The following LOXHD1 variants were observed in gnomAD, a reference collection of about 807,000 sequenced individuals.
LOXHD1 encodes the protein lipoxygenase homology domain-containing protein 1.
LOXHD1 carries 205 observed loss-of-function variants against 248.2 expected under a neutral mutation model. The ratio of observed to expected loss-of-function variants is 0.83; its 90% CI spans 0.74 to 0.93. The LOEUF is 0.93. Ranked by LOEUF, LOXHD1 falls within the 40% of genes least tolerant of loss-of-function variation. LOXHD1 has a pLI of 0.00. For synonymous variants in LOXHD1, 1,113 were observed against 1,162.8 expected (o/e 0.96, Z 0.87); for missense variants, 2,930 against 2,971.6 (o/e 0.99, Z 0.33).
Position 46,477,357 on chromosome 18 carries a change from G to C in LOXHD1, c.*115C>G. On this transcript the variant is annotated 3_prime_UTR_variant, in exon 41 of 41. Transcript: ENST00000642948. Reference sequence around the variant, plus strand: ...GCAGGACCCCATGAAGTTCTCAGTGGACTGCTAGCCCCCAGTGCCAATGCT... The same window carrying C: ...GCAGGACCCCATGAAGTTCTCAGTGCACTGCTAGCCCCCAGTGCCAATGCT... The C allele has an allele frequency of 7.0e-7, 1 of 1,420,362 alleles. No individual in the cohort carries two copies. The highest frequency in any genetic ancestry group is 2.0e-5 in the Admixed American group (1 of 50,278). 88.0% of individuals were successfully genotyped at this position (1,420,362 alleles called of 1,614,324 possible). A position where few individuals can be genotyped will look rare whatever the true frequency, so the allele number is the denominator to read the frequency against.
chr18:46,560,052 T>TGGCC, intron 19 of LOXHD1, 31 bp downstream of exon 19: 19 of 441,106 alleles, frequency 4.3e-5, no homozygotes, highest in Non-Finnish European at 6.5e-5. Flanking sequence ...GGCCACTCCC[T>TGGCC]CCCCACCCCC....
intron 6 of LOXHD1, among the ~76,000 whole-genome samples, chr18:46,606,145 T>C (rs1367337369): frequency 6.6e-6 from 1 of 152,080 alleles, no homozygotes; most frequent in African/African-American, 2.4e-5. Flanking sequence ...TAAAAATAAC[T>C]AAGTTAAGTA....
intron 6 of LOXHD1, among the ~76,000 whole-genome samples, chr18:46,609,439 C>T (rs937928594): frequency 6.6e-6 from 1 of 152,182 alleles, no homozygotes; most frequent in Non-Finnish European, 1.5e-5. Context: ...ATAATAAAAC[C>T]TCAACTATCA....
At position 46,529,188 on chromosome 18, in the gene LOXHD1, C is replaced by T. The variant is rs752123459; in HGVS notation, c.4519G>A (p.Glu1507Lys). ...TGTGCCCCTCATACCGTTCCTCTCT[C>T]GAACTTGTTGGTCCGGTTCTCTGAC... Reference protein sequence around the residue: ...GKSENRTNKFERGTADTFIIE... With the variant: ...GKSENRTNKFKRGTADTFIIE... The change falls in exon 29 of 41, where the codon GAG becomes AAG. Residue 1507 changes from glutamate to lysine, a missense_variant. Physicochemically the swap from Glu to Lys is moderately conservative, Grantham distance 56. Coordinates refer to ENST00000642948, the MANE Select transcript of LOXHD1 (RefSeq NM_001384474.1). 27 of 1,551,552 alleles carry T rather than the reference C, an allele frequency of 1.7e-5. 1 individual carries two copies. Among genetic ancestry groups the T allele is most frequent in the Middle Eastern group, 1.7e-4 (1 of 5,992 alleles).
chr18:46,644,018 C>T (rs1426624984), intron 2 of LOXHD1, among the ~76,000 whole-genome samples: 1 of 152,136 alleles, frequency 6.6e-6, no homozygotes, highest in East Asian at 1.9e-4. Context: ...GATGTTGAGG[C>T]CATTATGAAG....
At chr18:46,600,614 AGG>A (rs2038320737) in intron 8 of LOXHD1, among the ~76,000 whole-genome samples, 1 of 140,642 alleles carries the variant, frequency 7.1e-6, no homozygotes, top group Non-Finnish European at 1.6e-5. Context: ...AAAGGAAGGA[AGG>A]AAGGAAGGAA....
intron 7 of LOXHD1, among the ~76,000 whole-genome samples, chr18:46,602,678 T>C (rs1354045407): frequency 6.6e-6 from 1 of 152,196 alleles, no homozygotes; most frequent in Non-Finnish European, 1.5e-5. Flanking sequence ...GGGTGTATTA[T>C]TCATTCTTAA....
chr18:46,601,288 G>A lies in LOXHD1; in HGVS notation c.1063C>T (p.Leu355Phe). 4 of 1,551,718 alleles carry A rather than the reference G, an allele frequency of 2.6e-6. No homozygotes were observed. Among genetic ancestry groups the A allele is most frequent in the Non-Finnish European group, 2.6e-6 (3 of 1,147,002 alleles). ...DIFHIELAVL[L>F]SPLSRVSVGH... Reference sequence around the variant, plus strand: ...ACGGAGACCCGACTCAGGGGGCTAAGGAGGACAGCCAGCTCGATGTGGAAG... The same window carrying A: ...ACGGAGACCCGACTCAGGGGGCTAAAGAGGACAGCCAGCTCGATGTGGAAG... Residue 355 changes from leucine to phenylalanine, a missense_variant, in exon 8 of 41, where the codon CTT (leucine) becomes TTT (phenylalanine). Transcript: ENST00000642948.
intron 37 of LOXHD1, among the ~76,000 whole-genome samples, chr18:46,502,326 CAGA>C (rs2034284295): frequency 6.6e-6 from 1 of 152,066 alleles, no homozygotes; most frequent in African/African-American, 2.4e-5. Flanking sequence ...CAGGCTGAGA[CAGA>C]AGGTATGGGA....
chr18:46,592,166 G>A (rs1456944417), intron 11 of LOXHD1, 98 bp from the exon 12 acceptor site: 3 of 1,456,692 alleles, frequency 2.1e-6, no homozygotes, highest in Non-Finnish European at 2.8e-6. Flanking sequence ...AGAAGCCAAG[G>A]CTATTTCCTG....
chr18:46,500,649 G>T (rs2034167419), intron 37 of LOXHD1, among the ~76,000 whole-genome samples: 1 of 152,284 alleles, frequency 6.6e-6, no homozygotes, highest in South Asian at 2.1e-4. Context: ...GTACACTCAG[G>T]ATAAAAACCC....
intron 34 of LOXHD1, among the ~76,000 whole-genome samples, chr18:46,513,035 A>G (rs1184320097): frequency 1.3e-5 from 2 of 152,236 alleles, no homozygotes; most frequent in South Asian, 2.1e-4. Flanking sequence ...ATATGAAAGC[A>G]TAGCCCCATG....
chr18:46,508,049 C>G (rs536464298), intron 35 of LOXHD1, among the ~76,000 whole-genome samples: 1 of 152,228 alleles, frequency 6.6e-6, no homozygotes, highest in East Asian at 1.9e-4. Context: ...CCAACCGAGC[C>G]CCTGTCAGCC....
intron 37 of LOXHD1, among the ~76,000 whole-genome samples, chr18:46,503,936 G>A (rs1189569673): frequency 6.6e-6 from 1 of 152,154 alleles, no homozygotes; most frequent in Admixed American, 6.5e-5. Context: ...GTTAGAACAG[G>A]CATCAGAAGA....
At chr18:46,593,405 G>C in intron 10 of LOXHD1, among the ~76,000 whole-genome samples, 195 bp downstream of exon 10, 1 of 152,184 alleles carries the variant, frequency 6.6e-6, no homozygotes, top group Non-Finnish European at 1.5e-5. Flanking sequence ...GGGCCAGATA[G>C]AAATTGTACC....
At chr18:46,620,810 G>A (rs762038894) in intron 4 of LOXHD1, among the ~76,000 whole-genome samples, 1 of 152,204 alleles carries the variant, frequency 6.6e-6, no homozygotes, top group Non-Finnish European at 1.5e-5. Flanking sequence ...GGGAAGCCAG[G>A]AGATCAAGGA....
At chr18:46,607,306 C>CAT (rs112105590) in intron 6 of LOXHD1, among the ~76,000 whole-genome samples, 72 of 149,708 alleles carry the variant, frequency 4.8e-4, no homozygotes, top group African/African-American at 1.2e-3. Flanking sequence ...TATATGGTGT[C>CAT]ATATATATAT....
At chr18:46,639,900 T>C in intron 3 of LOXHD1, 100 bp from the exon 4 acceptor site, 1 of 1,398,564 alleles carries the variant, frequency 7.2e-7, no homozygotes, top group Non-Finnish European at 9.8e-7. Flanking sequence ...AGAGGTCCAA[T>C]TATTCTGTTG....
intron 4 of LOXHD1, among the ~76,000 whole-genome samples, chr18:46,620,959 A>C (rs996363590): frequency 1.1e-4 from 16 of 152,178 alleles, no homozygotes; most frequent in Non-Finnish European, 2.4e-4. Context: ...GCCCAAAGTG[A>C]GGCAATTTGG....
Sources: gnomAD v4.1 joint callset for allele counts (sites outside exome capture counted in the v4.1 genomes callset) on GRCh38, gnomAD v4.1.1 for gene constraint, MANE v1.5 for transcripts, NCBI Gene and HGNC (gene_info 2026-07-23, HGNC 2026-07-21) for gene names.